LAMA4: variants seen among roughly 807,000 people sequenced by gnomAD.
LAMA4 encodes laminin subunit alpha-4.
A neutral mutation model predicts 207.1 loss-of-function variants in LAMA4; 127 were observed. The observed-to-expected ratio is 0.61, with a 90% confidence interval of 0.53 to 0.71. The LOEUF (loss-of-function observed/expected upper bound fraction) is 0.71, where lower values mean the gene tolerates loss of function less well. LAMA4 is among the 30% of genes least tolerant of loss of function. The pLI, the probability that LAMA4 is intolerant of heterozygous loss-of-function variation, is 0.00. For missense variants in LAMA4, 2,093 were observed against 2,246.5 expected (o/e 0.93, Z 1.38); for synonymous variants, 761 against 816.0 (o/e 0.93, Z 1.15).
Position 112,155,670 on chromosome 6 carries a change from C to CGA in LAMA4, c.1853_1854insTC (p.Gln618HisfsTer29). 1 of 1,614,106 alleles carries CGA rather than the reference C, an allele frequency of 6.2e-7. No individual in the cohort carries two copies. Among genetic ancestry groups the CGA allele is most frequent in the Non-Finnish European group, 8.5e-7 (1 of 1,179,962 alleles). ...AGACATTTGATGCATCCAAAGCCTT[C>CGA]TGTACCAGCCCGTTCATATCTGAAC... On this transcript the variant is annotated frameshift_variant, in exon 15 of 39. Transcript: ENST00000230538. LOFTEE classifies it high-confidence loss of function.
At chr6:112,158,064 T>G (rs1174100813) in intron 14 of LAMA4, 4 of 152,568 alleles carry the variant, frequency 2.6e-5, no homozygotes, top group Non-Finnish European at 4.4e-5. Flanking sequence ...GATCTCATTA[T>G]TTGCCTATTA....
intron 2 of LAMA4, among the ~76,000 whole-genome samples, chr6:112,226,748 G>T (rs562968231): frequency 5.6e-4 from 85 of 152,308 alleles, no homozygotes; most frequent in Non-Finnish European, 1.0e-3. Context: ...AGGGCAAATT[G>T]TGCCAACACT....
rs950821459 is a variant in LAMA4, at chr6:112,216,347, G to C, written c.297+21C>G. Reference sequence around the variant, plus strand: ...AAATGCCCAGTGAAGTACGTGAAGTGTTATAGGTGCCCCAACTTACCACAC... The same window carrying C: ...AAATGCCCAGTGAAGTACGTGAAGTCTTATAGGTGCCCCAACTTACCACAC... On this transcript the variant is annotated intron_variant, in intron 3 of 38. Transcript: ENST00000230538. 3.3e-6 allele frequency: 5 copies of C among 1,499,112 alleles called. No individual in the cohort carries two copies. The Admixed American group carries it at 5.0e-5, about 15-fold the overall frequency. 92.9% of individuals were successfully genotyped at this position (1,499,112 alleles called of 1,614,324 possible).
intron 4 of LAMA4, among the ~76,000 whole-genome samples, chr6:112,202,829 C>G (rs74977957): frequency 0.043 from 6,610 of 152,270 alleles, 507 homozygotes; most frequent in African/African-American, 0.15. Flanking sequence ...GCGCTTCCAT[C>G]TTTCTTTGAA....
intron 18 of LAMA4, among the ~76,000 whole-genome samples, chr6:112,145,376 AGAGT>A (rs1233774666): frequency 6.6e-6 from 1 of 152,262 alleles, no homozygotes; most frequent in African/African-American, 2.4e-5. Context: ...GCCCAAAGAG[AGAGT>A]AACGCTACTG....
At chr6:112,243,665 TA>T (rs1297671929) in intron 2 of LAMA4, among the ~76,000 whole-genome samples, 2 of 152,124 alleles carry the variant, frequency 1.3e-5, no homozygotes, top group Non-Finnish European at 2.9e-5. Flanking sequence ...AACTTAAGGA[TA>T]AACAGAAACA....
chr6:112,183,443 T>A (rs1423207060), intron 9 of LAMA4, among the ~76,000 whole-genome samples: 4 of 152,176 alleles, frequency 2.6e-5, no homozygotes, highest in African/African-American at 7.2e-5. Flanking sequence ...ACCTCCTGTG[T>A]TGGTGGTCTG....
At chr6:112,185,553 C>T (rs1324083478) in intron 8 of LAMA4, among the ~76,000 whole-genome samples, 1 of 152,162 alleles carries the variant, frequency 6.6e-6, no homozygotes, top group African/African-American at 2.4e-5. Flanking sequence ...ATTCTGCAAG[C>T]TCCACTCACT....
At position 112,128,906 on chromosome 6, in the gene LAMA4, C is replaced by T. The variant is rs140156070; in HGVS notation, c.4287+16G>A. 69 of 1,608,992 alleles carry T rather than the reference C, an allele frequency of 4.3e-5. 1 individual carries two copies. The highest frequency in any genetic ancestry group is 3.5e-4 in the African/African-American group (26 of 74,880). ...AATGATGACAATTAGGAAGTCAGAA[C>T]GGCATTATCTTTTACCTTTTTATTC... On this transcript the variant is annotated intron_variant, in intron 31 of 38. Transcript: ENST00000230538.
chr6:112,113,400 C>G (rs1249996629), intron 38 of LAMA4, among the ~76,000 whole-genome samples: 2 of 152,202 alleles, frequency 1.3e-5, no homozygotes, highest in Non-Finnish European at 2.9e-5. Context: ...TCAGGTTTTC[C>G]AAGTTAGTGA....
chr6:112,154,525 T>A lies in LAMA4; in HGVS notation c.2056+326A>T, dbSNP rs531379485. 6.9e-5 allele frequency among the ~76,000 whole-genome samples: 10 copies of A among 144,350 alleles called. No individual in the cohort carries two copies. The East Asian group carries it at 1.9e-3, about 27-fold the overall frequency. 94.7% of individuals were successfully genotyped at this position (144,350 alleles called of 152,430 possible). On this transcript the variant is annotated intron_variant, in intron 16 of 38. Transcript: ENST00000230538. ...TGTGCAATATAGTTTTAGTGTTAAGTGTATTTTAGGACATTTTTCCCCTAA... is the reference window on the plus strand; with the variant it reads ...TGTGCAATATAGTTTTAGTGTTAAGAGTATTTTAGGACATTTTTCCCCTAA...
chr6:112,221,115 A>G (rs1219433903), intron 2 of LAMA4, among the ~76,000 whole-genome samples: 1 of 152,192 alleles, frequency 6.6e-6, no homozygotes, highest in Non-Finnish European at 1.5e-5. Context: ...GATGGGATTT[A>G]GGAAGAGTTT....
chr6:112,181,660 T>C (rs1554345304), intron 9 of LAMA4, among the ~76,000 whole-genome samples: 1 of 152,162 alleles, frequency 6.6e-6, no homozygotes, highest in African/African-American at 2.4e-5. Flanking sequence ...TATTTCTTCC[T>C]TAGAGTTACC....
intron 5 of LAMA4, chr6:112,200,114 G>A (rs1426603329): frequency 5.6e-6 from 3 of 533,028 alleles, no homozygotes; most frequent in Admixed American, 1.9e-5. Context: ...GCAGGTGGAG[G>A]GAATGGGAAA....
rs1779227016 is a variant in LAMA4 at position 112,134,629 on chromosome 6, G to C, written c.3415-20C>G. ...TGAGATCTGGGAGAGATAATATATAGTAAGCCTTGATTAACTATTTAATAT... is the reference window on the plus strand; with the variant it reads ...TGAGATCTGGGAGAGATAATATATACTAAGCCTTGATTAACTATTTAATAT... On this transcript the variant is annotated intron_variant, in intron 25 of 38. Coordinates refer to ENST00000230538, the MANE Select transcript of LAMA4 (RefSeq NM_001105206.3). 6.3e-7 allele frequency: 1 copy of C among 1,577,014 alleles called. No individual in the cohort carries two copies. Among genetic ancestry groups the C allele is most frequent in the African/African-American group, 1.3e-5 (1 of 74,104 alleles).
chr6:112,151,428 C>T (rs747394842), intron 16 of LAMA4, among the ~76,000 whole-genome samples: 11 of 152,084 alleles, frequency 7.2e-5, no homozygotes, highest in Non-Finnish European at 1.2e-4. Context: ...AGTTCAGGTA[C>T]TTTAATTAAT....
rs4036073 is a variant in LAMA4, at chr6:112,118,721, ATG to A, written c.4821+433_4821+434del. Among the ~76,000 whole-genome samples, 17,140 of 148,296 alleles carry A rather than the reference ATG, an allele frequency of 0.12. 1,128 individuals are homozygous for A. The highest frequency in any genetic ancestry group is 0.19 in the African/African-American group (7,837 of 40,512). Reference sequence around the variant, plus strand: ...TTACAAATTGTGTGTGTGTGTGTGTATGTGTGTGTGTGTGTGTGTGTGTGTAA... The same window carrying A: ...TTACAAATTGTGTGTGTGTGTGTGTATGTGTGTGTGTGTGTGTGTGTGTAA... On this transcript the variant is annotated intron_variant, in intron 34 of 38. Coordinates refer to ENST00000230538, the MANE Select transcript of LAMA4 (RefSeq NM_001105206.3). The surrounding 1 kb of genome is among the most constrained non-coding windows in gnomAD (Gnocchi z 4.6).
intron 19 of LAMA4, among the ~76,000 whole-genome samples, chr6:112,142,693 C>G (rs1554333641): frequency 6.6e-6 from 1 of 152,174 alleles, no homozygotes. Context: ...ACAGCTGGGA[C>G]TTTGTCCCTA....
At chr6:112,220,427 A>G (rs1434110245) in intron 2 of LAMA4, among the ~76,000 whole-genome samples, 1 of 152,150 alleles carries the variant, frequency 6.6e-6, no homozygotes, top group Non-Finnish European at 1.5e-5. Flanking sequence ...CTAATTTTAC[A>G]TTTATGGAAA....
Sources: gnomAD v4.1 joint callset for allele counts (sites outside exome capture counted in the v4.1 genomes callset) on GRCh38, gnomAD v4.1.1 for gene constraint, Gnocchi (gnomAD v3.1) non-coding constraint, MANE v1.5 for transcripts, NCBI Gene and HGNC (gene_info 2026-07-23, HGNC 2026-07-21) for gene names.